INPP4B: variants seen among roughly 807,000 people sequenced by gnomAD.
INPP4B encodes the protein inositol polyphosphate 4-phosphatase type II.
In INPP4B, 55 loss-of-function variants were observed where a neutral mutation model predicts 122.5. That is an observed-to-expected ratio of 0.45 (90% CI 0.36 to 0.56). INPP4B has a LOEUF of 0.56. Among genes scored for constraint, INPP4B ranks in the 20% least tolerant of loss-of-function variants. The pLI, the probability that INPP4B is intolerant of heterozygous loss-of-function variation, is 0.00. For missense variants in INPP4B, 1,000 were observed against 1,097.7 expected (o/e 0.91, Z 1.26); for synonymous variants, 403 against 388.7 (o/e 1.04, Z -0.43).
chr4:142,631,730 G>C lies in INPP4B; in HGVS notation c.-191+94109C>G, dbSNP rs146780040. ...ACTTCAAAGTAGCAACAATTACTCT[G>C]TCAGCTAATCTATCTACAGAAAAAA... is the stretch of plus-strand genomic sequence containing the variant. On this transcript the variant is annotated intron_variant, in intron 2 of 25. Coordinates refer to ENST00000262992, the MANE Select transcript of INPP4B (RefSeq NM_001101669.3). Among the ~76,000 whole-genome samples the C allele has an allele frequency of 7.9e-5, 12 of 152,112 alleles. No individual in the cohort carries two copies. The South Asian group carries it at 1.0e-3, about 13-fold the overall frequency.
At chr4:142,520,308 A>G (rs1825922579) in intron 2 of INPP4B, among the ~76,000 whole-genome samples, 1 of 152,034 alleles carries the variant, frequency 6.6e-6, no homozygotes, top group African/African-American at 2.4e-5. Context: ...TGAAACATTA[A>G]GATAGACAAG....
At chr4:142,309,914 G>A (rs1466590385) in intron 8 of INPP4B, among the ~76,000 whole-genome samples, 1 of 152,144 alleles carries the variant, frequency 6.6e-6, no homozygotes, top group East Asian at 1.9e-4. Context: ...CACATGAATA[G>A]TGTAACCCAC....
chr4:142,700,296 A>G lies in INPP4B; in HGVS notation c.-191+25543T>C, dbSNP rs566240469. 2.6e-5 allele frequency among the ~76,000 whole-genome samples: 4 copies of G among 152,358 alleles called. No individual in the cohort carries two copies. In the East Asian group the frequency reaches 5.8e-4, roughly 22 times the overall value. On this transcript the variant is annotated intron_variant, in intron 2 of 25. Coordinates refer to ENST00000262992, the MANE Select transcript of INPP4B (RefSeq NM_001101669.3). ...AATAATAAACTTTTTATTATTTACA[A>G]TGAAGGCACCAAATTTAACTTAAAT...
At chr4:142,635,249 C>A (rs548144027) in intron 2 of INPP4B, among the ~76,000 whole-genome samples, 2 of 152,144 alleles carry the variant, frequency 1.3e-5, no homozygotes, top group Non-Finnish European at 2.9e-5. Flanking sequence ...AACACTTATA[C>A]ACTGTTAGTG....
chr4:142,263,090 A>C (rs1400615092), intron 10 of INPP4B, among the ~76,000 whole-genome samples: 1 of 152,188 alleles, frequency 6.6e-6, no homozygotes, highest in Non-Finnish European at 1.5e-5. Context: ...GAGGTAAGGC[A>C]GGGGCTGAAC....
rs571217865 is a variant in INPP4B, at chr4:142,843,092, A to G, written c.-254+3117T>C. Among the ~76,000 whole-genome samples the G allele has an allele frequency of 9.3e-5, 14 of 150,696 alleles. No individual in the cohort carries two copies. The South Asian group carries it at 2.9e-3, about 31-fold the overall frequency. On this transcript the variant is annotated intron_variant, in intron 1 of 25. Coordinates refer to ENST00000262992, the MANE Select transcript of INPP4B (RefSeq NM_001101669.3). ...CAAGTGACCATTGTGCCTGAGACTGAAAGAGTAATTAAAATTTTTGCACAT... is the reference window on the plus strand; with the variant it reads ...CAAGTGACCATTGTGCCTGAGACTGGAAGAGTAATTAAAATTTTTGCACAT...
At chr4:142,074,256 T>G (rs1769232899) in intron 25 of INPP4B, among the ~76,000 whole-genome samples, 1 of 152,160 alleles carries the variant, frequency 6.6e-6, no homozygotes, top group South Asian at 2.1e-4. Flanking sequence ...AACTCCATTA[T>G]ATGAAACATA....
intron 3 of INPP4B, among the ~76,000 whole-genome samples, chr4:142,442,443 A>G (rs1279056571): frequency 6.6e-6 from 1 of 151,438 alleles, no homozygotes; most frequent in Non-Finnish European, 1.5e-5. Flanking sequence ...GAGAGAAGAA[A>G]AAAATAAAAA....
At chr4:142,032,753 T>C (rs556189079) in intron 25 of INPP4B, among the ~76,000 whole-genome samples, 6 of 152,306 alleles carry the variant, frequency 3.9e-5, no homozygotes, top group African/African-American at 1.4e-4. Context: ...TGTAAAGTGG[T>C]GATAATAACA....
chr4:142,360,653 C>A (rs1785082361), intron 7 of INPP4B, among the ~76,000 whole-genome samples: 1 of 151,858 alleles, frequency 6.6e-6, no homozygotes, highest in African/African-American at 2.4e-5. Flanking sequence ...TTCTGCAAAT[C>A]CCACAGGATC....
chr4:142,388,045 C>A (rs1038373824), intron 7 of INPP4B, among the ~76,000 whole-genome samples: 26 of 152,330 alleles, frequency 1.7e-4, no homozygotes, highest in Admixed American at 2.0e-4. Flanking sequence ...TCCCCTTCCA[C>A]AAACAACTTC....
At chr4:142,156,346 C>G (rs1194500870) in intron 17 of INPP4B, among the ~76,000 whole-genome samples, 1 of 152,068 alleles carries the variant, frequency 6.6e-6, no homozygotes, top group African/African-American at 2.4e-5. Flanking sequence ...ACCACAAAAA[C>G]TAGGTCAACT....
intron 2 of INPP4B, among the ~76,000 whole-genome samples, chr4:142,642,769 A>G (rs986562494): frequency 3.9e-5 from 6 of 152,138 alleles, no homozygotes; most frequent in Admixed American, 2.6e-4. Context: ...TTGGTTCTAT[A>G]TGAACTTTAA....
intron 12 of INPP4B, among the ~76,000 whole-genome samples, chr4:142,215,515 C>T (rs1387363590): frequency 6.6e-6 from 1 of 152,086 alleles, no homozygotes; most frequent in African/African-American, 2.4e-5. Context: ...CTACCAGTTA[C>T]TACAGGATAA....
intron 25 of INPP4B, among the ~76,000 whole-genome samples, chr4:142,050,134 G>T (rs1310273971): frequency 6.6e-6 from 1 of 151,774 alleles, no homozygotes; most frequent in Non-Finnish European, 1.5e-5. Flanking sequence ...TTTATTTTTT[G>T]AATTCATTTT....
Position 142,541,132 on chromosome 4 carries a change from T to A in INPP4B, c.-190-78406A>T, listed in dbSNP as rs554435318. On this transcript the variant is annotated intron_variant, in intron 2 of 25. Transcript: ENST00000262992. The stretch of plus-strand genomic sequence containing the variant: ...CAAGTATCAATAACTAATATTGAGA[T>A]TATCTTAAACAGATGATATTTAAAG... Among the ~76,000 whole-genome samples the A allele has an allele frequency of 2.0e-5, 3 of 152,286 alleles. No individual in the cohort carries two copies. The East Asian group carries it at 5.8e-4, about 29-fold the overall frequency.
intron 17 of INPP4B, among the ~76,000 whole-genome samples, chr4:142,149,909 A>C (rs1441774216): frequency 1.3e-5 from 2 of 152,228 alleles, no homozygotes; most frequent in Admixed American, 6.5e-5. Flanking sequence ...ACAAGGAGGA[A>C]AGATGATAAT....
At chr4:142,082,291 T>C in intron 24 of INPP4B, 106 bp from the exon 25 acceptor site, 1 of 888,788 alleles carries the variant, frequency 1.1e-6, no homozygotes, top group Non-Finnish European at 1.6e-6. Flanking sequence ...TAAATTTGGG[T>C]TTCTGTTAGT....
chr4:142,698,415 C>A lies in INPP4B; in HGVS notation c.-191+27424G>T, dbSNP rs192226190. 4.0e-3 allele frequency among the ~76,000 whole-genome samples: 615 copies of A among 152,064 alleles called. 6 individuals are homozygous for A. The highest frequency in any genetic ancestry group is 7.8e-3 in the Non-Finnish European group (528 of 67,990). The stretch of plus-strand genomic sequence containing the variant: ...AGATTTCAATATCCACAGATATGAT[C>A]TTGCCTTTTGTCTTAAATGATTGTC... On this transcript the variant is annotated intron_variant, in intron 2 of 25. Coordinates refer to ENST00000262992, the MANE Select transcript of INPP4B (RefSeq NM_001101669.3).
Sources: gnomAD v4.1 joint callset for allele counts (sites outside exome capture counted in the v4.1 genomes callset) on GRCh38, gnomAD v4.1.1 for gene constraint, MANE v1.5 for transcripts, NCBI Gene and HGNC (gene_info 2026-07-23, HGNC 2026-07-21) for gene names.